The following CDH13 variants were observed in gnomAD, a reference collection of about 807,000 sequenced individuals.
The protein encoded by CDH13 is cadherin 13, also known as cadherin-13.
CDH13 carries 24 observed loss-of-function variants against 63.8 expected under a neutral mutation model. The ratio of observed to expected loss-of-function variants is 0.38; its 90% confidence interval spans 0.27 to 0.53. The LOEUF is 0.53. Among genes scored for constraint, CDH13 ranks in the 20% least tolerant of loss-of-function variants. The pLI is 0.85. For missense variants in CDH13, 1,049 were observed against 903.1 expected (o/e 1.16, Z -2.07); for synonymous variants, 503 against 355.3 (o/e 1.42, Z -4.67).
chr16:83,365,199 C>T (rs2091235127), intron 6 of CDH13, among the ~76,000 whole-genome samples: 1 of 152,164 alleles, frequency 6.6e-6, no homozygotes, highest in African/African-American at 2.4e-5. Context: ...AACCAGAGAG[C>T]TGATGGTATC....
intron 1 of CDH13, among the ~76,000 whole-genome samples, chr16:82,715,563 C>T (rs190704816): frequency 6.6e-6 from 1 of 152,254 alleles, no homozygotes; most frequent in Admixed American, 6.5e-5. Context: ...AACTGGTGGG[C>T]TTTTCACCTT....
chr16:82,698,718 C>G (rs1443508972), intron 1 of CDH13, among the ~76,000 whole-genome samples: 1 of 152,140 alleles, frequency 6.6e-6, no homozygotes, highest in Non-Finnish European at 1.5e-5. Context: ...CTGAATAGCT[C>G]CATGGCACAG....
intron 10 of CDH13, among the ~76,000 whole-genome samples, chr16:83,709,492 C>T (rs756835712): frequency 5.3e-5 from 8 of 152,244 alleles, no homozygotes; most frequent in Non-Finnish European, 7.3e-5. Flanking sequence ...TTGAGAAACA[C>T]GGCCTCTGCA....
chr16:82,747,747 T>C (rs1269658425), intron 1 of CDH13, among the ~76,000 whole-genome samples: 2 of 152,244 alleles, frequency 1.3e-5, no homozygotes, highest in Admixed American at 6.5e-5. Context: ...ACTTTTTAAG[T>C]GTCTGCATAA....
At chr16:82,760,037 T>G (rs1597492910) in intron 1 of CDH13, among the ~76,000 whole-genome samples, 1 of 152,344 alleles carries the variant, frequency 6.6e-6, no homozygotes, top group African/African-American at 2.4e-5. Flanking sequence ...GATTACAAAG[T>G]TGCAAAGATC....
intron 4 of CDH13, chr16:83,171,441 C>A: frequency 8.2e-7 from 1 of 1,219,096 alleles, no homozygotes; most frequent in Non-Finnish European, 1.2e-6. Context: ...GGACACAGAT[C>A]CAAACCATAT....
At chr16:83,385,377 C>T (rs1025453537) in intron 6 of CDH13, among the ~76,000 whole-genome samples, 2 of 152,166 alleles carry the variant, frequency 1.3e-5, no homozygotes, top group African/African-American at 4.8e-5. Context: ...GAGTAGCTTC[C>T]AGATTATAAT....
At chr16:83,088,268 T>C (rs1231458409) in intron 3 of CDH13, among the ~76,000 whole-genome samples, 2 of 152,216 alleles carry the variant, frequency 1.3e-5, no homozygotes, top group African/African-American at 4.8e-5. Context: ...TTGAGTTTCA[T>C]GGGTTTTGTG....
At chr16:83,278,436 G>A (rs992566732) in intron 5 of CDH13, among the ~76,000 whole-genome samples, 5 of 152,192 alleles carry the variant, frequency 3.3e-5, no homozygotes, top group Non-Finnish European at 1.5e-5. Context: ...AAGGTTTAAT[G>A]AATGGCTTGG....
chr16:83,346,936 A>G (rs1263722590), intron 6 of CDH13, among the ~76,000 whole-genome samples: 1 of 152,242 alleles, frequency 6.6e-6, no homozygotes, highest in Non-Finnish European at 1.5e-5. Flanking sequence ...ATAAAAATAC[A>G]TAAAGACTCA....
intron 1 of CDH13, among the ~76,000 whole-genome samples, chr16:82,814,731 A>G (rs1181950548): frequency 6.6e-6 from 1 of 152,092 alleles, no homozygotes; most frequent in Non-Finnish European, 1.5e-5. Context: ...GCAAATTAAT[A>G]GAAGTCAAAG....
intron 7 of CDH13, among the ~76,000 whole-genome samples, chr16:83,581,559 C>A (rs1054051300): frequency 1.3e-5 from 2 of 152,198 alleles, no homozygotes; most frequent in African/African-American, 4.8e-5. Flanking sequence ...TGGCTCACAC[C>A]TGTAATCCCA....
chr16:83,777,449 A>C (rs1374499360), intron 11 of CDH13, among the ~76,000 whole-genome samples: 1 of 152,238 alleles, frequency 6.6e-6, no homozygotes, highest in Non-Finnish European at 1.5e-5. Context: ...GCGGTCCCCC[A>C]GCCAGTTTCT....
At chr16:83,574,997 C>T (rs909607776) in intron 7 of CDH13, among the ~76,000 whole-genome samples, 9 of 152,118 alleles carry the variant, frequency 5.9e-5, no homozygotes, top group Admixed American at 6.5e-5. Context: ...ACAACCCGAA[C>T]GCCCATCCAC....
rs752146648 is a variant in CDH13 at position 82,650,184 on chromosome 16, G to A, written c.45+23047G>A. On this transcript the variant is annotated intron_variant, in intron 1 of 13. Coordinates refer to ENST00000567109, the MANE Select transcript of CDH13 (RefSeq NM_001257.5). ...TAAAATAGGATGCATGGCTTTGTTA[G>A]TGGAAACTAACCTTCAGCAATTGTA... 8.0e-4 allele frequency among the ~76,000 whole-genome samples: 122 copies of A among 152,230 alleles called. 1 individual carries two copies. The highest frequency in any genetic ancestry group is 2.8e-4 in the Non-Finnish European group (19 of 68,044).
intron 4 of CDH13, among the ~76,000 whole-genome samples, chr16:83,157,119 C>A (rs2037239307): frequency 6.6e-6 from 1 of 152,160 alleles, no homozygotes; most frequent in Admixed American, 6.5e-5. Flanking sequence ...TTATCTGATC[C>A]TGGTTCAGTA....
chr16:83,139,859 A>G (rs1467177438), intron 4 of CDH13, among the ~76,000 whole-genome samples: 1 of 152,044 alleles, frequency 6.6e-6, no homozygotes, highest in Non-Finnish European at 1.5e-5. Context: ...AAAATTAGTT[A>G]GGCATGGTGG....
rs112952863 is a variant in CDH13 at position 83,729,798 on chromosome 16, C to T, written c.1539-18310C>T. Among the ~76,000 whole-genome samples the T allele has an allele frequency of 2.2e-4, 33 of 152,228 alleles. 1 individual carries two copies. The South Asian group carries it at 5.8e-3, about 27-fold the overall frequency. The stretch of plus-strand genomic sequence containing the variant: ...TCATCATCATGATCATAATTATTAC[C>T]GCAACTGCCACTAGCATTCCCTTCC... On this transcript the variant is annotated intron_variant, in intron 10 of 13. Coordinates refer to ENST00000567109, the MANE Select transcript of CDH13 (RefSeq NM_001257.5).
chr16:83,352,500 C>T (rs1454092962), intron 6 of CDH13, among the ~76,000 whole-genome samples: 1 of 152,048 alleles, frequency 6.6e-6, no homozygotes. Flanking sequence ...GCCACTGTAT[C>T]AAAAAAACAC....
Sources: gnomAD v4.1 joint callset for allele counts (sites outside exome capture counted in the v4.1 genomes callset) on GRCh38, gnomAD v4.1.1 for gene constraint, MANE v1.5 for transcripts, NCBI Gene and HGNC (gene_info 2026-07-23, HGNC 2026-07-21) for gene names.